Variants in SPECC1 observed in about 807,000 individuals in gnomAD.
SPECC1 encodes sperm antigen with calponin homology and coiled-coil domains 1, also known as cytospin-B.
In SPECC1, 62 loss-of-function variants were observed where a neutral mutation model predicts 104.1. That is an observed-to-expected ratio of 0.60 (90% CI 0.49 to 0.74). The LOEUF (loss-of-function observed/expected upper bound fraction) is 0.74, where lower values mean the gene tolerates loss of function less well. Ranked by LOEUF, SPECC1 falls within the 30% of genes least tolerant of loss-of-function variation. SPECC1 has a pLI of 0.00. For synonymous variants in SPECC1, 513 were observed against 501.6 expected (o/e 1.02, Z -0.30); for missense variants, 1,306 against 1,310.5 (o/e 1.00, Z 0.05).
intron 14 of SPECC1, among the ~76,000 whole-genome samples, chr17:20,308,370 CAA>C (rs902305824): frequency 9.9e-6 from 1 of 101,504 alleles, no homozygotes; most frequent in African/African-American, 4.1e-5. Flanking sequence ...GCCTGGGTGA[CAA>C]GAGCGAAACT....
chr17:20,266,395 A>C (rs919932862), intron 12 of SPECC1, among the ~76,000 whole-genome samples: 4 of 152,262 alleles, frequency 2.6e-5, no homozygotes, highest in Middle Eastern at 3.4e-3. Flanking sequence ...CATCCTGGCT[A>C]ACATGGTGAA....
chr17:20,092,039 A>G (rs1028550783), intron 1 of SPECC1, among the ~76,000 whole-genome samples: 6 of 152,156 alleles, frequency 3.9e-5, no homozygotes, highest in Non-Finnish European at 8.8e-5. Flanking sequence ...TTCCTTAAAT[A>G]GGGGTTCCCT....
Position 20,204,512 on chromosome 17 carries a change from A to G in SPECC1, c.463A>G (p.Lys155Glu), listed in dbSNP as rs1490315765. 1.2e-6 allele frequency: 2 copies of G among 1,614,208 alleles called. No homozygotes were observed. The highest frequency in any genetic ancestry group is 1.7e-5 in the Admixed American group (1 of 60,012). ...KHLRTPSTKP[K>E]QENEGGEKAA... is the part of the protein sequence containing the mutation. ...CCTGAGGACCCCTTCCACAAAGCCCAAGCAAGAGAATGAAGGTGGAGAAAA... is the reference window on the plus strand; with the variant it reads ...CCTGAGGACCCCTTCCACAAAGCCCGAGCAAGAGAATGAAGGTGGAGAAAA... Residue 155 changes from lysine (K) to glutamate (E), a missense_variant, in exon 4 of 15, where the codon AAG (lysine) becomes GAG (glutamate). By Grantham distance (56) the Lys-to-Glu change is moderately conservative (BLOSUM62 1). Coordinates refer to ENST00000395527, the MANE Select transcript of SPECC1 (RefSeq NM_001243439.2).
intron 3 of SPECC1, among the ~76,000 whole-genome samples, chr17:20,116,803 CTTTTTTTTTTTTTTTTT>C (rs58127201): frequency 2.0e-4 from 10 of 50,392 alleles, no homozygotes; most frequent in African/African-American, 3.0e-4. Flanking sequence ...TGTCTGGAGA[CTTTTTTTTTTTTTTTTT>C]TTTTTTTTTT....
chr17:20,285,345 GTAAT>G (rs1374811831), intron 12 of SPECC1, among the ~76,000 whole-genome samples: 1 of 152,050 alleles, frequency 6.6e-6, no homozygotes, highest in Non-Finnish European at 1.5e-5. Context: ...CTTCCCATGT[GTAAT>G]TCAATGTCTT....
intron 3 of SPECC1, among the ~76,000 whole-genome samples, chr17:20,201,571 T>G (rs2036436877): frequency 6.6e-6 from 1 of 152,246 alleles, no homozygotes; most frequent in African/African-American, 2.4e-5. Context: ...AGTCCTGGAC[T>G]CTCAGGTTTG....
chr17:20,146,919 A>G (rs2031521921), intron 3 of SPECC1, among the ~76,000 whole-genome samples: 1 of 152,076 alleles, frequency 6.6e-6, no homozygotes, highest in South Asian at 2.1e-4. Flanking sequence ...AAAACAAAAC[A>G]AAACAAAACT....
chr17:20,073,623 A>C (rs1488328133), intron 1 of SPECC1: 3 of 152,240 alleles, frequency 2.0e-5, no homozygotes, highest in Non-Finnish European at 4.4e-5. Context: ...CCAGGCCAGC[A>C]CCAAACCCAG....
In SPECC1 at chr17:20,316,581, C is replaced by A. The variant is rs1019498652; in HGVS notation, c.*2516C>A. The A allele has an allele frequency of 1.8e-4, 33 of 184,520 alleles. No homozygotes were observed. Among genetic ancestry groups the A allele is most frequent in the African/African-American group, 6.1e-4 (26 of 42,604 alleles). 11.4% of individuals were successfully genotyped at this position (184,520 alleles called of 1,614,324 possible). ...AGGGGGTTTCACCATGTTGGCCCGG[C>A]TGGTCTCGAACTCCTGATGGCAAGG... On this transcript the variant is annotated 3_prime_UTR_variant, in exon 15 of 15. Transcript: ENST00000395527.
At chr17:20,296,937 T>A (rs1006794586) in intron 12 of SPECC1, 24 bp from the exon 13 acceptor site, 18 of 1,607,622 alleles carry the variant, frequency 1.1e-5, no homozygotes, top group Admixed American at 1.7e-5. Flanking sequence ...AGTTCTTGTT[T>A]ATTACTACTT....
At chr17:20,167,773 CTATT>C (rs2033778443) in intron 3 of SPECC1, among the ~76,000 whole-genome samples, 1 of 152,116 alleles carries the variant, frequency 6.6e-6, no homozygotes, top group Admixed American at 6.5e-5. Flanking sequence ...AATTTCTGTG[CTATT>C]TAAAGTTATG....
chr17:20,253,478 G>T, intron 9 of SPECC1, 27 bp from the exon 10 acceptor site: 1 of 1,612,362 alleles, frequency 6.2e-7, no homozygotes, highest in South Asian at 1.1e-5. Flanking sequence ...TGAGCTCACC[G>T]TGCTGGTGTC....
intron 2 of SPECC1, among the ~76,000 whole-genome samples, chr17:20,109,828 T>A (rs542912933): frequency 1.3e-5 from 2 of 152,186 alleles, no homozygotes; most frequent in Non-Finnish European, 2.9e-5. Context: ...CATTCTTTTT[T>A]TCCCCCACCA....
chr17:20,148,626 A>G (rs922724333), intron 3 of SPECC1, among the ~76,000 whole-genome samples: 4 of 151,812 alleles, frequency 2.6e-5, no homozygotes, highest in Admixed American at 2.6e-4. Flanking sequence ...GCCACTCTCA[A>G]TCAGTGCCTT....
chr17:20,138,276 T>G (rs1387100742), intron 3 of SPECC1, among the ~76,000 whole-genome samples: 1 of 152,162 alleles, frequency 6.6e-6, no homozygotes, highest in Non-Finnish European at 1.5e-5. Context: ...TCTTAATTTT[T>G]TTTTGGAGTT....
intron 1 of SPECC1, among the ~76,000 whole-genome samples, chr17:20,064,026 C>T (rs2046278915): frequency 1.3e-5 from 2 of 152,194 alleles, no homozygotes; most frequent in African/African-American, 4.8e-5. Flanking sequence ...AGTTGGCAGT[C>T]TCTGGCTGGT....
rs190108325 is a variant in SPECC1 at position 20,204,417 on chromosome 17, G to A, written c.368G>A (p.Arg123His). The A allele has an allele frequency of 2.7e-5, 43 of 1,614,100 alleles. 1 individual carries two copies. The highest frequency in any genetic ancestry group is 1.8e-4 in the South Asian group (16 of 91,076). The change falls in exon 4 of 15, where the codon CGT (arginine) becomes CAT (histidine). Residue 123 changes from arginine (R) to histidine (H), a missense_variant. Arg to His is a conservative substitution (Grantham distance 29). Coordinates refer to ENST00000395527, the MANE Select transcript of SPECC1 (RefSeq NM_001243439.2). ...VTVSRERSVP[R>H]GPSNPRKSVS... ...GTCTCAAGAGAGAGGTCTGTGCCACGTGGTCCCTCCAACCCCAGGAAATCA... is the reference window on the plus strand; with the variant it reads ...GTCTCAAGAGAGAGGTCTGTGCCACATGGTCCCTCCAACCCCAGGAAATCA...
chr17:20,017,169 G>C (rs528421642), intron 1 of SPECC1: 6 of 152,300 alleles, frequency 3.9e-5, no homozygotes, highest in Non-Finnish European at 8.8e-5. Flanking sequence ...GTCGCATTCC[G>C]CGCTGCTGAA....
intron 1 of SPECC1, among the ~76,000 whole-genome samples, chr17:20,015,970 G>A (rs1597564306): frequency 6.6e-6 from 1 of 150,382 alleles, no homozygotes; most frequent in South Asian, 2.1e-4. Context: ...CCAGCACTTT[G>A]GGAGGCCGAG....
Sources: allele counts gnomAD v4.1 joint callset (sites outside exome capture counted in the v4.1 genomes callset), GRCh38; gene constraint gnomAD v4.1.1; transcripts MANE v1.5; gene names NCBI Gene and HGNC (gene_info 2026-07-23, HGNC 2026-07-21).